ATP11C: variants seen among roughly 807,000 people sequenced by gnomAD.
ATP11C encodes the protein phospholipid-transporting ATPase IG.
ATP11C carries 36 observed loss-of-function variants against 97.4 expected under a neutral mutation model. The observed-to-expected ratio is 0.37, with a 90% CI of 0.28 to 0.49. The LOEUF (loss-of-function observed/expected upper bound fraction) is 0.49, where lower values mean the gene tolerates loss of function less well. ATP11C is among the 20% of genes least tolerant of loss of function. The probability of loss-of-function intolerance (pLI) is 0.98; values close to 1 mark genes in which losing one functional copy is unlikely to be tolerated. For synonymous variants in ATP11C, 275 were observed against 290.9 expected (o/e 0.95, Z 0.56); for missense variants, 730 against 824.6 (o/e 0.89, Z 1.40).
chrX:139,774,769 C>G lies in ATP11C; in HGVS notation c.2137G>C (p.Asp713His), dbSNP rs774182787. The G allele has an allele frequency of 1.7e-6, 2 of 1,210,841 alleles. No individual in the cohort carries two copies. The highest frequency in any genetic ancestry group is 3.5e-5 in the South Asian group (2 of 56,979). The part of the protein sequence containing the change: ...KTIEESERKE[D>H]RLHELLIEYR... ...TCTATCAATAATTCATGTAATCGAT[C>G]TTCTTTCCTTTCACTTTCTTCAATG... is the stretch of plus-strand genomic sequence containing the variant. Residue 713 changes from aspartate to histidine, a missense_variant, in exon 19 of 30, where the codon GAT becomes CAT. Coordinates refer to ENST00000682941, the MANE Select transcript of ATP11C (RefSeq NM_001353812.2).
intron 19 of ATP11C, among the ~76,000 whole-genome samples, chrX:139,768,974 A>AGAGCCTATCCCAC (rs1433219064): frequency 9.3e-6 from 1 of 106,970 alleles, no homozygotes. Context: ...GCCCTTCCTA[A>AGAGCCTATCCCAC]GAGCCTATCC....
chrX:139,808,680 C>T (rs1375165188), intron 5 of ATP11C, among the ~76,000 whole-genome samples: 3 of 111,820 alleles, frequency 2.7e-5, no homozygotes, highest in Non-Finnish European at 5.6e-5. Context: ...CATTCACTTC[C>T]AGCAGATTTA....
At position 139,788,234 on chromosome X, in the gene ATP11C, G is replaced by A. The variant is rs1353928921; in HGVS notation, c.1478C>T (p.Ser493Phe). The A allele has an allele frequency of 2.5e-6, 3 of 1,207,168 alleles. No individual in the cohort carries two copies. Among genetic ancestry groups the A allele is most frequent in the African/African-American group, 3.5e-5 (2 of 57,088 alleles). ...CAAAGCTATTTCATCTGGTGAAGAG[G>A]AGATATAGGTTAATTCAGCTGATTC... Reference protein sequence around the residue: ...ATESAELTYISSSPDEIALVK... With the variant: ...ATESAELTYIFSSPDEIALVK... Residue 493 changes from serine (S) to phenylalanine (F), a missense_variant, in exon 14 of 30, where the codon TCC becomes TTC. Coordinates refer to ENST00000682941, the MANE Select transcript of ATP11C (RefSeq NM_001353812.2).
At chrX:139,789,832 C>T (rs753731458) in intron 12 of ATP11C, among the ~76,000 whole-genome samples, 148 of 110,369 alleles carry the variant, frequency 1.3e-3, no homozygotes, top group Non-Finnish European at 2.0e-3. Flanking sequence ...GAGTTCAAGA[C>T]CAGCCTGGCC....
At chrX:139,833,369 T>C (rs1205225527) in intron 1 of ATP11C, among the ~76,000 whole-genome samples, 2 of 111,468 alleles carry the variant, frequency 1.8e-5, no homozygotes, top group Non-Finnish European at 3.8e-5. Context: ...CATGGCTTAG[T>C]TGAATAAATG....
intron 28 of ATP11C, among the ~76,000 whole-genome samples, chrX:139,734,770 A>G (rs774657780): frequency 2.7e-4 from 30 of 111,365 alleles, no homozygotes; most frequent in Non-Finnish European, 4.9e-4. Flanking sequence ...GATCCTTAAT[A>G]ACGGAACTTT....
chrX:139,803,378 C>A (rs1283993915), intron 6 of ATP11C, among the ~76,000 whole-genome samples: 1 of 111,038 alleles, frequency 9.0e-6, no homozygotes, highest in Non-Finnish European at 1.9e-5. Flanking sequence ...GAGTCGTAGT[C>A]CTCAACTCCA....
At chrX:139,861,391 T>A (rs890446122) in intron 1 of ATP11C, among the ~76,000 whole-genome samples, 1 of 111,854 alleles carries the variant, frequency 8.9e-6, no homozygotes, top group African/African-American at 3.3e-5. Context: ...GAAGTCTCAG[T>A]TTAGTGAACA....
chrX:139,794,963 T>C (rs755352906), intron 12 of ATP11C, among the ~76,000 whole-genome samples: 67 of 111,693 alleles, frequency 6.0e-4, no homozygotes, highest in African/African-American at 2.2e-3. Flanking sequence ...AAATTAACTG[T>C]CAGGGAAAGG....
chrX:139,927,536 G>A (rs1319946355), intron 1 of ATP11C, among the ~76,000 whole-genome samples: 13 of 110,996 alleles, frequency 1.2e-4, no homozygotes, highest in South Asian at 3.8e-4. Context: ...CTCGTGAGGC[G>A]GAGGTTGCAG....
chrX:139,761,967 G>A lies in ATP11C; in HGVS notation c.2634C>T (p.Phe878=), dbSNP rs1361525706. The part of the protein sequence containing the change: ...VRIAHLVQYF[F]YKNLCFILPQ... ...CATATATTTTATCACATACCTTATA[G>A]AAGAAGTACTGTACAAGGTGTGCTA... is the stretch of plus-strand genomic sequence containing the variant. The change falls in exon 22 of 30, where the codon TTC becomes TTT. Residue 878 remains phenylalanine (F), a synonymous_variant. Coordinates refer to ENST00000682941, the MANE Select transcript of ATP11C (RefSeq NM_001353812.2). 7 of 1,157,448 alleles carry A rather than the reference G, an allele frequency of 6.0e-6. No individual in the cohort carries two copies. The highest frequency in any genetic ancestry group is 8.1e-6 in the Non-Finnish European group (7 of 862,396).
At chrX:139,899,738 T>G in intron 1 of ATP11C, among the ~76,000 whole-genome samples, 1 of 111,656 alleles carries the variant, frequency 9.0e-6, no homozygotes, top group South Asian at 3.7e-4. Flanking sequence ...ATAAAAATTT[T>G]TTTTAAACAT....
chrX:139,927,788 T>C (rs2085375581), intron 1 of ATP11C, among the ~76,000 whole-genome samples: 1 of 110,479 alleles, frequency 9.1e-6, no homozygotes. Flanking sequence ...CTTTCGGCAT[T>C]AGATGTATTT....
intron 12 of ATP11C, among the ~76,000 whole-genome samples, chrX:139,792,723 G>A (rs1423368061): frequency 9.0e-6 from 1 of 111,692 alleles, no homozygotes; most frequent in Admixed American, 9.5e-5. Context: ...GAAAAACAGG[G>A]TCTTAGGGAT....
At position 139,757,908 on chromosome X, in the gene ATP11C, TAATC is replaced by T. The variant is rs766447796; in HGVS notation, c.2641-45_2641-42del. 22 of 928,518 alleles carry T rather than the reference TAATC, an allele frequency of 2.4e-5. No individual in the cohort carries two copies. The East Asian group carries it at 6.3e-4, about 27-fold the overall frequency. The allele number at this position is 928,518 out of a possible 1,213,427, so 76.5% of individuals were successfully genotyped here. ...TAAGACAAGGATTAACATTTTCACT[TAATC>T]AACTTGCTAAACTAAAATGGGAAAC... On this transcript the variant is annotated intron_variant, in intron 22 of 29. Coordinates refer to ENST00000682941, the MANE Select transcript of ATP11C (RefSeq NM_001353812.2).
intron 19 of ATP11C, 134 bp from the exon 20 acceptor site, chrX:139,768,568 T>G (rs2082183608): frequency 2.9e-6 from 1 of 347,762 alleles, no homozygotes; most frequent in African/African-American, 2.7e-5. Context: ...ACCTGTTCAC[T>G]CTAAAGAAGC....
intron 28 of ATP11C, among the ~76,000 whole-genome samples, chrX:139,734,275 C>T (rs146601289): frequency 1.1e-3 from 114 of 103,695 alleles, no homozygotes; most frequent in African/African-American, 3.7e-3. Context: ...GGGACTTTGG[C>T]TCAGACAGTT....
intron 1 of ATP11C, among the ~76,000 whole-genome samples, chrX:139,854,449 T>C (rs1326129035): frequency 9.0e-6 from 1 of 111,497 alleles, no homozygotes; most frequent in African/African-American, 3.3e-5. Flanking sequence ...GGTTATCACC[T>C]TTAGGAAAAA....
chrX:139,728,868 C>T lies in ATP11C; in HGVS notation c.*98G>A. ...CGTATCAAGTATCCTGAGATGATAACTTTTTGTAGTTGTTTCTTCATGCTT... is the reference window on the plus strand; with the variant it reads ...CGTATCAAGTATCCTGAGATGATAATTTTTTGTAGTTGTTTCTTCATGCTT... On this transcript the variant is annotated 3_prime_UTR_variant, in exon 30 of 30. Transcript: ENST00000682941. 2 of 1,155,104 alleles carry T rather than the reference C, an allele frequency of 1.7e-6. No individual in the cohort carries two copies.
Sources: allele counts gnomAD v4.1 joint callset (sites outside exome capture counted in the v4.1 genomes callset), GRCh38; gene constraint gnomAD v4.1.1; transcripts MANE v1.5; gene names NCBI Gene and HGNC (gene_info 2026-07-23, HGNC 2026-07-21).